The following TAFA4 variants were observed in gnomAD, a reference collection of about 807,000 sequenced individuals.
TAFA4 encodes TAFA chemokine like family member 4.
In TAFA4, 20 loss-of-function variants were observed where a neutral mutation model predicts 21.1. The ratio of observed to expected loss-of-function variants is 0.95; its 90% CI spans 0.67 to 1.38. The LOEUF (loss-of-function observed/expected upper bound fraction) is 1.38, where lower values mean the gene tolerates loss of function less well. Ranked by LOEUF, TAFA4 falls within the 40% of genes most tolerant of loss-of-function variation. The probability of loss-of-function intolerance (pLI) is 0.00; values close to 1 mark genes in which losing one functional copy is unlikely to be tolerated. For synonymous variants in TAFA4, 71 were observed against 67.4 expected (o/e 1.05, Z -0.26); for missense variants, 211 against 180.9 (o/e 1.17, Z -0.95).
intron 4 of TAFA4, among the ~76,000 whole-genome samples, chr3:68,746,638 A>G (rs903417290): frequency 4.9e-5 from 7 of 142,064 alleles, no homozygotes; most frequent in Non-Finnish European, 1.1e-4. Context: ...CAGGCATAAG[A>G]GCAGTAGTTA....
chr3:68,826,556 G>A (rs1704244412), intron 3 of TAFA4, among the ~76,000 whole-genome samples: 1 of 133,390 alleles, frequency 7.5e-6, no homozygotes, highest in Admixed American at 8.2e-5. Flanking sequence ...CTGGGCAACA[G>A]AGCGAGACTC....
intron 3 of TAFA4, among the ~76,000 whole-genome samples, chr3:68,813,224 A>G (rs1000721324): frequency 1.3e-5 from 2 of 152,148 alleles, no homozygotes; most frequent in African/African-American, 4.8e-5. Flanking sequence ...GAGAAGCAGG[A>G]AAGATCTAAA....
chr3:68,749,637 T>TGG, intron 4 of TAFA4, among the ~76,000 whole-genome samples: 1 of 152,342 alleles, frequency 6.6e-6, no homozygotes, highest in East Asian at 1.9e-4. Flanking sequence ...CTCAGTGACT[T>TGG]TGATCCAATA....
rs573581692 is a variant in TAFA4 at position 68,752,986 on chromosome 3, C to T, written c.163G>A (p.Val55Met). Residue 55 changes from valine to methionine, a missense_variant, in exon 4 of 6, where the codon GTG (valine) becomes ATG (methionine). Coordinates refer to ENST00000295569, the MANE Select transcript of TAFA4 (RefSeq NM_182522.5). ...HHQIKQGTCEVVAVHRCCNKN... is the reference protein window; with the variant it reads ...HHQIKQGTCEMVAVHRCCNKN... Reference sequence around the variant, plus strand: ...TTGCAGCACCTGTGCACGGCGACCACCTCACAGGTCCCTTGCTTGATTTGG... The same window carrying T: ...TTGCAGCACCTGTGCACGGCGACCATCTCACAGGTCCCTTGCTTGATTTGG... The T allele has an allele frequency of 8.1e-6, 13 of 1,613,794 alleles. No individual in the cohort carries two copies. The South Asian group carries it at 1.3e-4, about 16-fold the overall frequency.
At chr3:68,793,386 G>C (rs756864044) in intron 3 of TAFA4, among the ~76,000 whole-genome samples, 5 of 152,182 alleles carry the variant, frequency 3.3e-5, no homozygotes, top group African/African-American at 4.8e-5. Flanking sequence ...TTGTTTGCTT[G>C]TAATTCATTT....
intron 3 of TAFA4, among the ~76,000 whole-genome samples, chr3:68,783,701 G>GAAAAAA (rs1469897938): frequency 3.1e-5 from 3 of 96,646 alleles, no homozygotes; most frequent in African/African-American, 1.3e-4. Flanking sequence ...GAGAGAGAGA[G>GAAAAAA]AGAGAGAAAG....
rs1285529487 is a variant in TAFA4 at position 68,932,511 on chromosome 3, G to T, written c.-394C>A. The T allele has an allele frequency of 6.6e-6, 1 of 152,188 alleles. No homozygotes were observed. The highest frequency in any genetic ancestry group is 2.4e-5 in the African/African-American group (1 of 41,412). The allele number at this position is 152,188 out of a possible 1,614,324, so 9.4% of individuals were successfully genotyped here. On this transcript the variant is annotated 5_prime_UTR_variant, in exon 1 of 6. Coordinates refer to ENST00000295569, the MANE Select transcript of TAFA4 (RefSeq NM_182522.5). ...TTGCCCGCAGCCGCGCGCGCAGTCG[G>T]TGCGCCCCGTCCAGGGCGGCGCGCA... is the stretch of plus-strand genomic sequence containing the variant.
At position 68,909,444 on chromosome 3, in the gene TAFA4, A is replaced by C. The variant is rs77120438; in HGVS notation, c.-123+22796T>G. 7.8e-3 allele frequency among the ~76,000 whole-genome samples: 1,172 copies of C among 150,444 alleles called. 15 individuals carry two copies. The highest frequency in any genetic ancestry group is 0.028 in the African/African-American group (1,113 of 39,840). On this transcript the variant is annotated intron_variant, in intron 1 of 5. Coordinates refer to ENST00000295569, the MANE Select transcript of TAFA4 (RefSeq NM_182522.5). The stretch of plus-strand genomic sequence containing the variant: ...AGTGCCTGGCACCAAGTAGTCCCTC[A>C]GTAAATATATCTACTGAATGAGTGA...
intron 3 of TAFA4, among the ~76,000 whole-genome samples, chr3:68,841,397 G>C (rs1704663557): frequency 6.6e-6 from 1 of 151,790 alleles, no homozygotes; most frequent in African/African-American, 2.4e-5. Context: ...TTAAGTCCCT[G>C]TGGTTTCACA....
intron 3 of TAFA4, among the ~76,000 whole-genome samples, chr3:68,765,188 T>A (rs983842393): frequency 6.6e-6 from 1 of 152,218 alleles, no homozygotes; most frequent in African/African-American, 2.4e-5. Flanking sequence ...CAGCAACATT[T>A]CATCCACAGT....
intron 1 of TAFA4, among the ~76,000 whole-genome samples, chr3:68,910,812 G>C (rs1229028885): frequency 6.6e-6 from 1 of 152,284 alleles, no homozygotes; most frequent in South Asian, 2.1e-4. Flanking sequence ...GCATAGTTCA[G>C]CACCAAATCT....
rs779011429 is a variant in TAFA4, at chr3:68,809,381, A to C, written c.131-56363T>G. ...AATAACTTGAACATTAAAGTTCACTATAACAGTATGGGAATAGTTACTTGT... is the reference window on the plus strand; with the variant it reads ...AATAACTTGAACATTAAAGTTCACTCTAACAGTATGGGAATAGTTACTTGT... On this transcript the variant is annotated intron_variant, in intron 3 of 5. Coordinates refer to ENST00000295569, the MANE Select transcript of TAFA4 (RefSeq NM_182522.5). Among the ~76,000 whole-genome samples, 4 of 152,372 alleles carry C rather than the reference A, an allele frequency of 2.6e-5. No homozygotes were observed. The South Asian group carries it at 8.3e-4, about 32-fold the overall frequency.
chr3:68,808,453 T>G (rs148250790), intron 3 of TAFA4, among the ~76,000 whole-genome samples: 300 of 152,320 alleles, frequency 2.0e-3, no homozygotes, highest in African/African-American at 6.7e-3. Flanking sequence ...AAGTGTTGAC[T>G]ATCTAGACCC....
chr3:68,779,080 A>C (rs1237213151), intron 3 of TAFA4, among the ~76,000 whole-genome samples: 1 of 152,208 alleles, frequency 6.6e-6, no homozygotes, highest in East Asian at 1.9e-4. Flanking sequence ...CTAGAGGAAA[A>C]GTTACTCTTG....
At chr3:68,872,024 A>G (rs1482749600) in intron 3 of TAFA4, among the ~76,000 whole-genome samples, 1 of 152,158 alleles carries the variant, frequency 6.6e-6, no homozygotes, top group East Asian at 1.9e-4. Flanking sequence ...AAAAGGACCA[A>G]ATGATCCAGC....
chr3:68,733,871 C>A (rs1210847603), intron 5 of TAFA4, among the ~76,000 whole-genome samples: 1 of 152,170 alleles, frequency 6.6e-6, no homozygotes, highest in Admixed American at 6.6e-5. Context: ...CTCAGCGTTG[C>A]TATTAACTGA....
At chr3:68,804,595 C>T (rs1703650530) in intron 3 of TAFA4, among the ~76,000 whole-genome samples, 1 of 152,068 alleles carries the variant, frequency 6.6e-6, no homozygotes, top group Non-Finnish European at 1.5e-5. Context: ...GTACTGGTAC[C>T]AAAACAGAGA....
At chr3:68,837,846 GT>G (rs909373804) in intron 3 of TAFA4, among the ~76,000 whole-genome samples, 4 of 150,936 alleles carry the variant, frequency 2.7e-5, no homozygotes, top group African/African-American at 4.9e-5. Flanking sequence ...TTTGGTTTGT[GT>G]TTTTTTTAGT....
intron 1 of TAFA4, among the ~76,000 whole-genome samples, chr3:68,923,792 C>T (rs1373286305): frequency 2.0e-5 from 3 of 152,100 alleles, no homozygotes; most frequent in Non-Finnish European, 4.4e-5. Context: ...ACGCCTGGGC[C>T]ATATGCATGA....
Sources: gnomAD v4.1 joint callset for allele counts (sites outside exome capture counted in the v4.1 genomes callset) on GRCh38, gnomAD v4.1.1 for gene constraint, MANE v1.5 for transcripts, NCBI Gene and HGNC (gene_info 2026-07-23, HGNC 2026-07-21) for gene names.